STAT2: variants seen among roughly 807,000 people sequenced by gnomAD.
STAT2 encodes interferon alpha induced transcriptional activator.
A neutral mutation model predicts 122.3 loss-of-function variants in STAT2; 51 were observed. That is an observed-to-expected ratio of 0.42 (90% CI 0.33 to 0.53). The LOEUF is 0.53. Among genes scored for constraint, STAT2 ranks in the 20% least tolerant of loss-of-function variants. STAT2 has a pLI of 0.10. For synonymous variants in STAT2, 351 were observed against 394.9 expected, an observed-to-expected ratio of 0.89 and a Z score of 1.32; for missense variants, 736 against 1,010.3, an observed-to-expected ratio of 0.73 and a Z score of 3.68.
In STAT2 at chr12:56,343,806, G is replaced by T. The variant is rs1347348002; in HGVS notation, c.2413+19C>A. ...AAGGGAATGTGTGCCATCTTCCATA[G>T]CTCCATCTCATCACTTACTTTCCAT... On this transcript the variant is annotated intron_variant, in intron 23 of 23. Transcript: ENST00000314128. 4 of 1,612,656 alleles carry T rather than the reference G, an allele frequency of 2.5e-6. No individual in the cohort carries two copies. The highest frequency in any genetic ancestry group is 2.5e-6 in the Non-Finnish European group (3 of 1,178,878).
chr12:56,351,426 C>T lies in STAT2; in HGVS notation c.807G>A (p.Leu269=). The T allele has an allele frequency of 1.2e-6, 2 of 1,613,966 alleles. No individual in the cohort carries two copies. Among genetic ancestry groups the T allele is most frequent in the Non-Finnish European group, 1.7e-6 (2 of 1,179,982 alleles). ...CCTTCAGCAGCTGCCTCAGGTGAAA[C>T]AACAGCTTTGCTCCAGCTGTGAACC... ...ETWFTAGAKL[L]FHLRQLLKEL... The change falls in exon 9 of 24, where the codon TTG becomes TTA. Residue 269 remains leucine (L), a synonymous_variant. Transcript: ENST00000314128.
chr12:56,351,586 T>C (rs148554958), intron 8 of STAT2, 136 bp from the exon 9 acceptor site: 2 of 901,386 alleles, frequency 2.2e-6, no homozygotes, highest in East Asian at 2.6e-5. Context: ...CCAGGAAGCA[T>C]ATAAAGGATT....
intron 19 of STAT2, among the ~76,000 whole-genome samples, chr12:56,347,391 A>T (rs1877659114): frequency 6.6e-6 from 1 of 151,970 alleles, no homozygotes; most frequent in Admixed American, 6.6e-5. Flanking sequence ...GGGTTTCACC[A>T]CGTGGCCCAG....
At chr12:56,356,707 T>G in intron 1 of STAT2, 129 bp from the exon 2 acceptor site, 2 of 1,297,622 alleles carry the variant, frequency 1.5e-6, no homozygotes, top group Non-Finnish European at 2.1e-6. Context: ...ACAGAAAACA[T>G]TAAAATATAT....
Position 56,346,593 on chromosome 12 carries a change from G to A in STAT2, c.1893C>T (p.Tyr631=). 1 of 1,614,224 alleles carries A rather than the reference G, an allele frequency of 6.2e-7. No individual in the cohort carries two copies. The highest frequency in any genetic ancestry group is 8.5e-7 in the Non-Finnish European group (1 of 1,180,044). ...GGAGTGACTGCAGCACCTCCTTCGT[G>A]TACGGTTGCACAGAGTAGATGAGCA... The part of the protein sequence containing the change: ...DKVLIYSVQP[Y]TKEVLQSLPL... The change falls in exon 21 of 24, where the codon TAC becomes TAT. Residue 631 remains tyrosine, a synonymous_variant. Coordinates refer to ENST00000314128, the MANE Select transcript of STAT2 (RefSeq NM_005419.4).
In STAT2 at chr12:56,350,164, G is replaced by C. The variant is rs572016876; in HGVS notation, c.1142C>G (p.Ser381Ter). The C allele has an allele frequency of 6.2e-7, 1 of 1,611,646 alleles. No individual in the cohort carries two copies. The highest frequency in any genetic ancestry group is 1.1e-5 in the South Asian group (1 of 90,952). The change falls in exon 13 of 24, where the codon TCA (serine) becomes TGA (stop). Residue 381 changes from serine to a stop codon, truncating the protein, a stop_gained. Coordinates refer to ENST00000314128, the MANE Select transcript of STAT2 (RefSeq NM_005419.4). LOFTEE classifies it high-confidence loss of function. Reference sequence around the variant, plus strand: ...CTCGGGGGTCAAAGTTTTCTGGTTTGAAGTCAGAATGTTGAACTTCCGGAA... The same window carrying C: ...CTCGGGGGTCAAAGTTTTCTGGTTTCAAGTCAGAATGTTGAACTTCCGGAA... ...QGFRKFNILT[S>*]NQKTLTPEKG...
rs1876836599 is a variant in STAT2 at position 56,343,265 on chromosome 12, G to A, written c.*124C>T. On this transcript the variant is annotated 3_prime_UTR_variant, in exon 24 of 24. Coordinates refer to ENST00000314128, the MANE Select transcript of STAT2 (RefSeq NM_005419.4). ...CACCCCAATGGAGTCACACAGGCCTGAGTTTGAACAGTTAACACAGCTTGG... is the reference window on the plus strand; with the variant it reads ...CACCCCAATGGAGTCACACAGGCCTAAGTTTGAACAGTTAACACAGCTTGG... 1 of 1,383,610 alleles carries A rather than the reference G, an allele frequency of 7.2e-7. No homozygotes were observed. Among genetic ancestry groups the A allele is most frequent in the Non-Finnish European group, 9.8e-7 (1 of 1,018,940 alleles). 85.7% of individuals were successfully genotyped at this position (1,383,610 alleles called of 1,614,324 possible).
At position 56,348,537 on chromosome 12, in the gene STAT2, C is replaced by A; in HGVS notation, c.1716G>T (p.Trp572Cys). Reference sequence around the variant, plus strand: ...GGTGACCAAGGCCTTACCCATCATTCCAGAGATCCTTCAGGTGGTCATGTA... The same window carrying A: ...GGTGACCAAGGCCTTACCCATCATTACAGAGATCCTTCAGGTGGTCATGTA... ...ELVHDHLKDL[W>C]NDGRIMGFVS... Residue 572 changes from tryptophan (W) to cysteine (C), a missense_variant, in exon 19 of 24, where the codon TGG becomes TGT. Trp to Cys is a radical substitution (Grantham distance 215). Transcript: ENST00000314128. 6.2e-7 allele frequency: 1 copy of A among 1,614,162 alleles called. No individual in the cohort carries two copies. The highest frequency in any genetic ancestry group is 1.1e-5 in the South Asian group (1 of 91,082).
intron 7 of STAT2, 70 bp from the exon 8 acceptor site, chr12:56,354,684 G>A: frequency 6.2e-7 from 1 of 1,612,248 alleles, no homozygotes; most frequent in Non-Finnish European, 8.5e-7. Flanking sequence ...TGGGGATGAA[G>A]AAACAAAGAA....
chr12:56,355,638 C>A, intron 4 of STAT2, 70 bp downstream of exon 4: 1 of 1,595,110 alleles, frequency 6.3e-7, no homozygotes, highest in South Asian at 1.1e-5. Context: ...TCTGAGACAA[C>A]TCCCTGAGTC....
intron 6 of STAT2, 83 bp downstream of exon 6, chr12:56,355,193 A>T: frequency 6.6e-7 from 1 of 1,513,214 alleles, no homozygotes; most frequent in African/African-American, 1.4e-5. Flanking sequence ...ACTACTGCTC[A>T]TCGGAGCTTT....
At chr12:56,354,025 A>G (rs1411142695) in intron 8 of STAT2, among the ~76,000 whole-genome samples, 2 of 68,644 alleles carry the variant, frequency 2.9e-5, no homozygotes, top group African/African-American at 7.9e-5. Flanking sequence ...AAATATATAT[A>G]TATATATATA....
rs1409455468 is a variant in STAT2, at chr12:56,350,566, T to C, written c.1095-134A>G. 3.6e-6 allele frequency: 3 copies of C among 828,166 alleles called. No individual in the cohort carries two copies. The African/African-American group carries it at 5.2e-5, about 14-fold the overall frequency. The allele number at this position is 828,166 out of a possible 1,614,324, so 51.3% of individuals were successfully genotyped here. A position where few individuals can be genotyped will look rare whatever the true frequency, so the allele number is the denominator to read the frequency against. ...AGCTATGTGGCCTTGAGAAGAGATGTAATCAGTCTCTCTAAGCCTGTATCT... is the reference window on the plus strand; with the variant it reads ...AGCTATGTGGCCTTGAGAAGAGATGCAATCAGTCTCTCTAAGCCTGTATCT... On this transcript the variant is annotated intron_variant, in intron 11 of 23. Transcript: ENST00000314128.
intron 6 of STAT2, 62 bp downstream of exon 6, chr12:56,355,214 C>A (rs1473159439): frequency 5.0e-6 from 8 of 1,592,230 alleles, no homozygotes; most frequent in African/African-American, 4.0e-5. Flanking sequence ...CTCCTGTTCA[C>A]TTCCAGCTCC....
intron 22 of STAT2, among the ~76,000 whole-genome samples, chr12:56,345,555 C>T (rs1373912532): frequency 4.2e-5 from 4 of 94,978 alleles, no homozygotes; most frequent in African/African-American, 2.0e-4. Context: ...TGGTGGCTCA[C>T]GCCTGTAATC....
chr12:56,345,172 CA>C (rs35648397), intron 22 of STAT2, among the ~76,000 whole-genome samples: 314 of 27,126 alleles, frequency 0.012, 2 homozygotes, highest in African/African-American at 0.03. Flanking sequence ...GAGACTGTCT[CA>C]AAAAAAAAAA....
In STAT2 at chr12:56,360,083, C is replaced by T. The variant is rs1880154886; in HGVS notation, c.-33G>A. The T allele has an allele frequency of 3.0e-6, 3 of 985,292 alleles. No individual in the cohort carries two copies. The highest frequency in any genetic ancestry group is 3.6e-6 in the Non-Finnish European group (3 of 829,970). The allele number at this position is 985,292 out of a possible 1,614,324, so 61.0% of individuals were successfully genotyped here. On this transcript the variant is annotated 5_prime_UTR_variant, in exon 1 of 24. Coordinates refer to ENST00000314128, the MANE Select transcript of STAT2 (RefSeq NM_005419.4). ...CTGATTAGGGTTGCAGTCCCCGCGC[C>T]CTCCAATGGCTCTGGTCGCGACTTC...
At position 56,341,769 on chromosome 12, in the gene STAT2, G is replaced by C. The variant is rs1015658139; in HGVS notation, c.*1620C>G. 6.6e-6 allele frequency: 1 copy of C among 152,178 alleles called. No individual in the cohort carries two copies. The highest frequency in any genetic ancestry group is 1.5e-5 in the Non-Finnish European group (1 of 68,048). 9.4% of individuals were successfully genotyped at this position (152,178 alleles called of 1,614,324 possible). On this transcript the variant is annotated 3_prime_UTR_variant, in exon 24 of 24. Transcript: ENST00000314128. ...TGGAGCAATGTCAGTTGCCCCCTGG[G>C]GTTCCCTGGGAATAGCTAAGGTGTG...
Position 56,349,026 on chromosome 12 carries a change from G to A in STAT2, c.1474C>T (p.Pro492Ser), listed in dbSNP as rs1032890333. ...AGAGCAGGGCCCAGCAAGCTCCAGG[G>A]GGCCTTGGGGGGGTTGGAGAAGAAC... ...QQFFSNPPKA[P>S]WSLLGPALSW... The change falls in exon 17 of 24, where the codon CCC becomes TCC. Residue 492 changes from proline (P) to serine (S), a missense_variant. Transcript: ENST00000314128. 2 of 1,613,578 alleles carry A rather than the reference G, an allele frequency of 1.2e-6. No individual in the cohort carries two copies. The highest frequency in any genetic ancestry group is 2.7e-5 in the African/African-American group (2 of 74,928).
Sources: gnomAD v4.1 joint callset for allele counts (sites outside exome capture counted in the v4.1 genomes callset) on GRCh38, gnomAD v4.1.1 for gene constraint, MANE v1.5 for transcripts, NCBI Gene and HGNC (gene_info 2026-07-23, HGNC 2026-07-21) for gene names.